The following MSI2 variants were observed in gnomAD, a reference collection of about 807,000 sequenced individuals.
The protein encoded by MSI2 is musashi RNA binding protein 2.
In MSI2, 17 loss-of-function variants were observed where a neutral mutation model predicts 45.6. The observed-to-expected ratio is 0.37, with a 90% CI of 0.26 to 0.56. The LOEUF (loss-of-function observed/expected upper bound fraction) is 0.56, where lower values mean the gene tolerates loss of function less well. MSI2 is among the 20% of genes least tolerant of loss of function. MSI2 has a pLI of 0.77. For synonymous variants in MSI2, 156 were observed against 158.2 expected, an observed-to-expected ratio of 0.99 and a Z score of 0.11; for missense variants, 293 against 444.2, an observed-to-expected ratio of 0.66 and a Z score of 3.06.
intron 8 of MSI2, among the ~76,000 whole-genome samples, chr17:57,613,563 T>A (rs190855914): frequency 1.3e-5 from 2 of 152,356 alleles, no homozygotes; most frequent in South Asian, 4.1e-4. Context: ...TATAAATTTA[T>A]GGCTTTTGAT....
intron 6 of MSI2, among the ~76,000 whole-genome samples, chr17:57,453,033 T>C (rs886915745): frequency 1.4e-5 from 2 of 142,290 alleles, no homozygotes; most frequent in Admixed American, 1.5e-4. Flanking sequence ...TAAGATGGAG[T>C]CTTGCTTTGT....
chr17:57,315,205 T>C (rs1007073230), intron 5 of MSI2, among the ~76,000 whole-genome samples: 3 of 152,196 alleles, frequency 2.0e-5, no homozygotes, highest in African/African-American at 7.2e-5. Flanking sequence ...CAGGAGCTCA[T>C]GGTCTTTGGA....
intron 6 of MSI2, among the ~76,000 whole-genome samples, chr17:57,429,785 G>A (rs761386266): frequency 3.3e-5 from 5 of 151,810 alleles, no homozygotes; most frequent in Non-Finnish European, 5.9e-5. Flanking sequence ...GAGAATTTCC[G>A]GTCTCATCCT....
At chr17:57,696,782 C>G in the MSI2 span, among the ~76,000 whole-genome samples, 227 of 152,224 alleles carry the variant, frequency 1.5e-3, no homozygotes, top group African/African-American at 5.2e-3. Flanking sequence ...GGCATTTGGT[C>G]AGTGGGCACT....
chr17:57,543,454 C>T (rs898132449), intron 7 of MSI2, among the ~76,000 whole-genome samples: 1 of 152,206 alleles, frequency 6.6e-6, no homozygotes, highest in African/African-American at 2.4e-5. Flanking sequence ...AGCCAGGGGT[C>T]TGTTGCAGTA....
rs78823148 is a variant in MSI2, at chr17:57,616,232, G to A, written c.652+148G>A. Reference sequence around the variant, plus strand: ...CTGTAGATGAGGATGATAATTCCCCGTTCCAAGACAGTTGTGATGATTAAG... The same window carrying A: ...CTGTAGATGAGGATGATAATTCCCCATTCCAAGACAGTTGTGATGATTAAG... On this transcript the variant is annotated intron_variant, in intron 9 of 13. Coordinates refer to ENST00000284073, the MANE Select transcript of MSI2 (RefSeq NM_138962.4). 3,402 of 611,544 alleles carry A rather than the reference G, an allele frequency of 5.6e-3. 86 individuals carry two copies. The highest frequency in any genetic ancestry group is 0.053 in the African/African-American group (2,897 of 54,324). 37.9% of individuals were successfully genotyped at this position (611,544 alleles called of 1,614,324 possible).
At chr17:57,472,524 C>G (rs1424563387) in intron 6 of MSI2, among the ~76,000 whole-genome samples, 1 of 152,178 alleles carries the variant, frequency 6.6e-6, no homozygotes, top group African/African-American at 2.4e-5. Flanking sequence ...GGCCAGTGTC[C>G]TAGAGACTGG....
chr17:57,480,719 C>T (rs1401229133), intron 6 of MSI2, among the ~76,000 whole-genome samples: 1 of 152,190 alleles, frequency 6.6e-6, no homozygotes, highest in Admixed American at 6.5e-5. Context: ...AGAATTGCCA[C>T]CTTCTACCTT....
intron 10 of MSI2, chr17:57,629,690 C>G (rs985702418): frequency 2.0e-5 from 3 of 152,408 alleles, no homozygotes; most frequent in Admixed American, 2.0e-4. Context: ...GGGTCAGTGT[C>G]CCTGTGCTTC....
chr17:57,551,276 C>G (rs2087297464), intron 7 of MSI2, among the ~76,000 whole-genome samples: 1 of 152,168 alleles, frequency 6.6e-6, no homozygotes, highest in Admixed American at 6.5e-5. Context: ...AGGGGCTGAA[C>G]CTGCCCCGGC....
downstream of MSI2, among the ~76,000 whole-genome samples, chr17:57,688,563 G>C (rs1402561058): frequency 6.6e-6 from 1 of 152,066 alleles, no homozygotes; most frequent in Admixed American, 6.5e-5. Context: ...CTAACAAGTG[G>C]CTTGAAGAAA....
chr17:57,674,245 G>A (rs1913047690), intron 11 of MSI2, among the ~76,000 whole-genome samples: 1 of 149,404 alleles, frequency 6.7e-6, no homozygotes, highest in African/African-American at 2.5e-5. Flanking sequence ...AATGGGAAGG[G>A]CGGGAAGGGA....
chr17:57,656,421 A>G (rs1223318239), intron 11 of MSI2, among the ~76,000 whole-genome samples: 1 of 151,944 alleles, frequency 6.6e-6, no homozygotes, highest in Admixed American at 6.6e-5. Context: ...TACCAGCAAG[A>G]CTCCTTCAAG....
At chr17:57,298,916 CTT>C (rs1449880299) in intron 5 of MSI2, among the ~76,000 whole-genome samples, 1 of 152,236 alleles carries the variant, frequency 6.6e-6, no homozygotes, top group Non-Finnish European at 1.5e-5. Context: ...CAATAAAAGA[CTT>C]TTGTATACAT....
chr17:57,539,314 C>G (rs1239677101), intron 7 of MSI2, among the ~76,000 whole-genome samples: 2 of 151,332 alleles, frequency 1.3e-5, no homozygotes, highest in Non-Finnish European at 2.9e-5. Context: ...TCATTTACTT[C>G]TTTAGTGTGA....
intron 5 of MSI2, among the ~76,000 whole-genome samples, chr17:57,398,350 A>G (rs1376709442): frequency 3.9e-5 from 6 of 152,166 alleles, no homozygotes; most frequent in African/African-American, 1.2e-4. Flanking sequence ...GAACTCTACT[A>G]GTGTATGTTG....
intron 6 of MSI2, among the ~76,000 whole-genome samples, chr17:57,454,284 G>A (rs777338566): frequency 3.9e-4 from 60 of 152,316 alleles, no homozygotes; most frequent in Non-Finnish European, 5.1e-4. Context: ...CACCACAATG[G>A]TGCTGGTGTC....
intron 5 of MSI2, among the ~76,000 whole-genome samples, chr17:57,332,353 A>G (rs986529012): frequency 6.6e-6 from 1 of 152,164 alleles, no homozygotes; most frequent in Non-Finnish European, 1.5e-5. Context: ...TGCCCGCCTC[A>G]GTCTCCCAAA....
At chr17:57,570,219 A>C (rs2087841633) in intron 7 of MSI2, among the ~76,000 whole-genome samples, 1 of 152,170 alleles carries the variant, frequency 6.6e-6, no homozygotes, top group African/African-American at 2.4e-5. Flanking sequence ...CTTAGAGAAG[A>C]CCAACTCCCA....
Sources: gnomAD v4.1 joint callset for allele counts (sites outside exome capture counted in the v4.1 genomes callset) on GRCh38, gnomAD v4.1.1 for gene constraint, MANE v1.5 for transcripts, NCBI Gene and HGNC (gene_info 2026-07-23, HGNC 2026-07-21) for gene names.